The following TMEM131 variants were observed in gnomAD, a reference collection of about 807,000 sequenced individuals.
TMEM131 encodes the protein transmembrane protein 131, also known as 2610524E03Rik.
TMEM131 carries 66 observed loss-of-function variants against 211.6 expected under a neutral mutation model. That is an observed-to-expected ratio of 0.31 (90% CI 0.26 to 0.38). TMEM131 has a LOEUF of 0.38. TMEM131 is among the 10% of genes least tolerant of loss of function. TMEM131 has a pLI of 1.00. For missense variants in TMEM131, 2,036 were observed against 2,299.3 expected (o/e 0.89, Z 2.34); for synonymous variants, 844 against 841.3 (o/e 1.00, Z -0.06).
intron 3 of TMEM131, among the ~76,000 whole-genome samples, chr2:97,892,254 C>G (rs1383799158): frequency 6.6e-6 from 1 of 152,104 alleles, no homozygotes; most frequent in Non-Finnish European, 1.5e-5. Context: ...TTCTCTGTTA[C>G]GTGCTGCAAA....
chr2:97,776,144 C>T, intron 31 of TMEM131, 126 bp from the exon 32 acceptor site: 1 of 908,876 alleles, frequency 1.1e-6, no homozygotes, highest in African/African-American at 1.7e-5. Flanking sequence ...AGCTCCGCCT[C>T]CCGGGTTCAC....
chr2:97,852,161 CTTTT>C (rs35113797), intron 5 of TMEM131, among the ~76,000 whole-genome samples: 14 of 129,320 alleles, frequency 1.1e-4, no homozygotes, highest in Admixed American at 3.0e-4. Flanking sequence ...ACGGCATTCT[CTTTT>C]TTTTTTTTTT....
intron 25 of TMEM131, among the ~76,000 whole-genome samples, chr2:97,800,849 C>T (rs1454583729): frequency 6.6e-6 from 1 of 152,128 alleles, no homozygotes; most frequent in Non-Finnish European, 1.5e-5. Flanking sequence ...GTTACTTTGG[C>T]ATCTTACAGA....
At chr2:97,823,310 C>G (rs1682217599) in intron 11 of TMEM131, among the ~76,000 whole-genome samples, 1 of 152,140 alleles carries the variant, frequency 6.6e-6, no homozygotes, top group Non-Finnish European at 1.5e-5. Context: ...TTTGGCCCAA[C>G]CTGGGTACCT....
At chr2:97,981,425 G>A (rs940938702) in intron 1 of TMEM131, among the ~76,000 whole-genome samples, 1 of 152,192 alleles carries the variant, frequency 6.6e-6, no homozygotes, top group African/African-American at 2.4e-5. Context: ...CATTAAGGTT[G>A]TATCTTTTTT....
chr2:97,938,725 G>T (rs1461378873), intron 1 of TMEM131, among the ~76,000 whole-genome samples: 2 of 152,048 alleles, frequency 1.3e-5, no homozygotes, highest in Admixed American at 6.6e-5. Flanking sequence ...CAGAATATAT[G>T]TTCTTCTCAG....
chr2:97,787,170 T>C (rs1329715184), intron 31 of TMEM131, among the ~76,000 whole-genome samples: 2 of 152,370 alleles, frequency 1.3e-5, no homozygotes, highest in Admixed American at 6.5e-5. Context: ...GAATTATCTA[T>C]GTAAAAAGCA....
intron 8 of TMEM131, among the ~76,000 whole-genome samples, chr2:97,836,217 T>C (rs1248686270): frequency 1.3e-5 from 2 of 152,242 alleles, no homozygotes; most frequent in Non-Finnish European, 2.9e-5. Flanking sequence ...AATTTGTTTC[T>C]AGATGTTCAT....
At chr2:97,810,986 A>G (rs1397965801) in intron 18 of TMEM131, 142 bp downstream of exon 18, 5 of 658,992 alleles carry the variant, frequency 7.6e-6, no homozygotes, top group African/African-American at 1.8e-5. Context: ...TCTATAAACT[A>G]TTCTCGAAAG....
At chr2:97,932,853 G>A (rs1677288589) in intron 1 of TMEM131, among the ~76,000 whole-genome samples, 1 of 147,244 alleles carries the variant, frequency 6.8e-6, no homozygotes, top group African/African-American at 2.6e-5. Context: ...TAGGCTGACT[G>A]TTAAAACAAA....
intron 12 of TMEM131, among the ~76,000 whole-genome samples, chr2:97,816,211 C>T (rs887203766): frequency 2.0e-5 from 3 of 152,046 alleles, no homozygotes; most frequent in Non-Finnish European, 4.4e-5. Flanking sequence ...TGTGGTGGCA[C>T]GTGCCTGTAA....
chr2:97,987,778 G>T (rs186149119), intron 1 of TMEM131, among the ~76,000 whole-genome samples: 3 of 152,232 alleles, frequency 2.0e-5, no homozygotes, highest in Admixed American at 6.5e-5. Context: ...GGAAGTGAAA[G>T]ATTTGTACAC....
At chr2:97,851,880 G>T (rs1372285182) in intron 5 of TMEM131, among the ~76,000 whole-genome samples, 1 of 152,166 alleles carries the variant, frequency 6.6e-6, no homozygotes, top group African/African-American at 2.4e-5. Flanking sequence ...ACAATGGCCT[G>T]TAAGTGTTGG....
chr2:97,783,366 G>GA (rs1408568041), intron 31 of TMEM131, among the ~76,000 whole-genome samples: 1 of 151,928 alleles, frequency 6.6e-6, no homozygotes, highest in Non-Finnish European at 1.5e-5. Flanking sequence ...GGAGGATTAG[G>GA]AAAAAAATAT....
intron 1 of TMEM131, among the ~76,000 whole-genome samples, chr2:97,950,232 C>T (rs1678246063): frequency 6.6e-6 from 1 of 152,164 alleles, no homozygotes; most frequent in Non-Finnish European, 1.5e-5. Context: ...AAAGTGTTCG[C>T]AAGGCTTTAT....
chr2:97,797,508 T>C lies in TMEM131; in HGVS notation c.2727A>G (p.Pro909=), dbSNP rs202026382. The C allele has an allele frequency of 8.0e-5, 128 of 1,609,924 alleles. 1 individual carries two copies. In the East Asian group the frequency reaches 2.8e-3, roughly 36 times the overall value. ...EFQVFRNSAH[P]LQSSTGFMEG... is the part of the protein sequence containing the mutation. The stretch of plus-strand genomic sequence containing the variant: ...CCATAAATCCTGTTGAACTCTGCAG[T>C]GGATGAGCCTTGAATCATTGGGTAA... Residue 909 remains proline (P), a synonymous_variant, in exon 26 of 41, where the codon CCA becomes CCG. Transcript: ENST00000186436.
At chr2:97,817,646 A>G (rs893925751) in intron 12 of TMEM131, among the ~76,000 whole-genome samples, 1 of 152,174 alleles carries the variant, frequency 6.6e-6, no homozygotes, top group African/African-American at 2.4e-5. Flanking sequence ...GAGAGTCCTC[A>G]CTGAGCTCAC....
chr2:97,884,912 G>A (rs1045924607), intron 4 of TMEM131, among the ~76,000 whole-genome samples: 4 of 152,142 alleles, frequency 2.6e-5, no homozygotes, highest in African/African-American at 4.8e-5. Context: ...TACATTCAAG[G>A]TTATTGATAG....
rs1559362762 is a variant in TMEM131 at position 97,793,494 on chromosome 2, G to A, written c.3446C>T (p.Pro1149Leu). ...AYLEAQGIWEPFRRRLSFEAS... is the reference protein window; with the variant it reads ...AYLEAQGIWELFRRRLSFEAS... ...CTCAAAGGATAGCCGCCTTCGAAATGGCTCCCATATTCCTTGAGCTTCCAA... is the reference window on the plus strand; with the variant it reads ...CTCAAAGGATAGCCGCCTTCGAAATAGCTCCCATATTCCTTGAGCTTCCAA... The change falls in exon 30 of 41, where the codon CCA becomes CTA. Residue 1149 changes from proline (P) to leucine (L), a missense_variant. By Grantham distance (98) the Pro-to-Leu change is moderately conservative. Around this residue, in one of 3 missense-constraint regions of TMEM131, gnomAD observed 1,623 missense variants for 1,805.9 expected, o/e 0.90. Coordinates refer to ENST00000186436, the MANE Select transcript of TMEM131 (RefSeq NM_015348.2). The A allele has an allele frequency of 6.2e-7, 1 of 1,613,888 alleles. No homozygotes were observed. The highest frequency in any genetic ancestry group is 1.1e-5 in the South Asian group (1 of 91,062).
Sources: allele counts gnomAD v4.1 joint callset (sites outside exome capture counted in the v4.1 genomes callset), GRCh38; gene constraint gnomAD v4.1.1; regional missense constraint gnomAD v4.1.1; transcripts MANE v1.5; gene names NCBI Gene and HGNC (gene_info 2026-07-23, HGNC 2026-07-21).